Variants in GAB1 observed in about 807,000 individuals in gnomAD.
The protein encoded by GAB1 is GRB2 associated binding protein 1, also known as GRB2-associated-binding protein 1.
A neutral mutation model predicts 66.5 loss-of-function variants in GAB1; 19 were observed. The observed-to-expected ratio is 0.29, with a 90% confidence interval of 0.20 to 0.42. The LOEUF is 0.42. GAB1 is among the 10% of genes least tolerant of loss of function. The pLI is 1.00. For synonymous variants in GAB1, 294 were observed against 301.4 expected (o/e 0.98, Z 0.25); for missense variants, 732 against 858.5 (o/e 0.85, Z 1.84).
chr4:143,368,801 G>A (rs1383265460), intron 1 of GAB1, among the ~76,000 whole-genome samples: 1 of 152,036 alleles, frequency 6.6e-6, no homozygotes, highest in East Asian at 1.9e-4. Flanking sequence ...AAAGAAATAC[G>A]AACTCTTTTT....
chr4:143,372,715 A>G (rs1730186501), intron 1 of GAB1, among the ~76,000 whole-genome samples: 1 of 152,174 alleles, frequency 6.6e-6, no homozygotes, highest in East Asian at 1.9e-4. Context: ...TACTTTTTGA[A>G]GAGATATTGG....
intron 1 of GAB1, among the ~76,000 whole-genome samples, chr4:143,385,878 G>T (rs1035525659): frequency 6.6e-6 from 1 of 152,212 alleles, no homozygotes; most frequent in Non-Finnish European, 1.5e-5. Flanking sequence ...GGTAGCTCAT[G>T]CCTGTAACCC....
rs1268447512 is a variant in GAB1 at position 143,472,322 on chromosome 4, G to T, written c.*3133G>T. 6.6e-6 allele frequency: 1 copy of T among 152,006 alleles called. No individual in the cohort carries two copies. Among genetic ancestry groups the T allele is most frequent in the African/African-American group, 2.4e-5 (1 of 41,382 alleles). 9.4% of individuals were successfully genotyped at this position (152,006 alleles called of 1,614,324 possible). ...TTTAATCATAGACTAAATTTAATTT[G>T]ATATAGAAATACTACTTTACTTGTA... On this transcript the variant is annotated 3_prime_UTR_variant, in exon 10 of 10. Coordinates refer to ENST00000262994, the MANE Select transcript of GAB1 (RefSeq NM_002039.4).
chr4:143,427,589 C>T (rs1487540109), intron 2 of GAB1, among the ~76,000 whole-genome samples: 1 of 151,418 alleles, frequency 6.6e-6, no homozygotes, highest in Non-Finnish European at 1.5e-5. Flanking sequence ...TCCGGCATGT[C>T]AGGCTTCTGT....
intron 2 of GAB1, among the ~76,000 whole-genome samples, chr4:143,427,348 A>G (rs1386018849): frequency 6.6e-6 from 1 of 152,162 alleles, no homozygotes. Context: ...TCCTGGCAAA[A>G]GGGGCCATCA....
chr4:143,347,302 CCT>C (rs1414297927), intron 1 of GAB1, among the ~76,000 whole-genome samples: 2 of 152,188 alleles, frequency 1.3e-5, no homozygotes, highest in African/African-American at 4.8e-5. Flanking sequence ...CTAACCCACT[CCT>C]CTCTCATGTA....
chr4:143,441,425 A>T (rs1308972756), intron 6 of GAB1, among the ~76,000 whole-genome samples: 1 of 152,188 alleles, frequency 6.6e-6, no homozygotes, highest in Non-Finnish European at 1.5e-5. Flanking sequence ...TTTCTCCTTA[A>T]CCTGGGCTTA....
intron 1 of GAB1, among the ~76,000 whole-genome samples, chr4:143,408,802 C>T (rs1732203520): frequency 6.6e-6 from 1 of 152,150 alleles, no homozygotes; most frequent in Admixed American, 6.5e-5. Flanking sequence ...CAATAATGGT[C>T]TTTCCTTAAA....
chr4:143,381,070 C>T (rs1231110268), intron 1 of GAB1, among the ~76,000 whole-genome samples: 2 of 152,172 alleles, frequency 1.3e-5, no homozygotes, highest in Non-Finnish European at 2.9e-5. Context: ...GGGGATCAAC[C>T]TGTGACTGAG....
intron 8 of GAB1, among the ~76,000 whole-genome samples, chr4:143,461,110 G>A (rs901899451): frequency 2.0e-5 from 3 of 152,154 alleles, no homozygotes; most frequent in Non-Finnish European, 2.9e-5. Flanking sequence ...AAATCAGGTA[G>A]TTGCCAGAAA....
intron 1 of GAB1, among the ~76,000 whole-genome samples, chr4:143,356,711 A>G (rs1729461611): frequency 6.6e-6 from 1 of 152,196 alleles, no homozygotes; most frequent in Admixed American, 6.5e-5. Context: ...TGATGCAAAC[A>G]CCACGTTAGC....
rs1331346416 is a variant in GAB1 at position 143,471,916 on chromosome 4, T to C, written c.*2727T>C. ...TTGAATCAAACCCTTTTAACTCACC[T>C]CCAAGAAGCTAGACTTTGGCCAGGA... On this transcript the variant is annotated 3_prime_UTR_variant, in exon 10 of 10. Coordinates refer to ENST00000262994, the MANE Select transcript of GAB1 (RefSeq NM_002039.4). The C allele has an allele frequency of 6.6e-6, 1 of 152,166 alleles. No homozygotes were observed. Among genetic ancestry groups the C allele is most frequent in the Non-Finnish European group, 1.5e-5 (1 of 68,020 alleles). 9.4% of individuals were successfully genotyped at this position (152,166 alleles called of 1,614,324 possible). A position where few individuals can be genotyped will look rare whatever the true frequency, so the allele number is the denominator to read the frequency against.
chr4:143,403,743 C>G (rs1223370688), intron 1 of GAB1, among the ~76,000 whole-genome samples: 1 of 152,166 alleles, frequency 6.6e-6, no homozygotes, highest in African/African-American at 2.4e-5. Context: ...TGTACTTAGT[C>G]CTTCTCTTTA....
At chr4:143,438,673 T>C (rs926695961) in intron 4 of GAB1, 73 bp downstream of exon 4, 5 of 1,461,814 alleles carry the variant, frequency 3.4e-6, no homozygotes, top group Middle Eastern at 1.8e-4. Flanking sequence ...ATTTGTTCTT[T>C]TAAGCGTAGT....
intron 9 of GAB1, 125 bp downstream of exon 9, chr4:143,466,350 C>T (rs1735786200): frequency 1.2e-6 from 1 of 840,146 alleles, no homozygotes; most frequent in African/African-American, 1.8e-5. Flanking sequence ...TGGTCTGCTA[C>T]TTGATGCTAT....
Position 143,438,451 on chromosome 4 carries a change from A to G in GAB1, c.1046A>G (p.His349Arg), listed in dbSNP as rs1734052885. ...DIPPPRPPKP[H>R]PAHDRSPVET... is the part of the protein sequence containing the mutation. ...CCTCCACCTCGGCCACCGAAACCAC[A>G]TCCAGCTCATGACCGATCTCCTGTG... Residue 349 changes from histidine (H) to arginine (R), a missense_variant, in exon 4 of 10, where the codon CAT becomes CGT. By Grantham distance (29) the His-to-Arg change is conservative. This residue lies in a region of GAB1 where 427 missense variants were observed against 420.6 expected (regional missense o/e 1.02). Transcript: ENST00000262994. 1 of 1,613,996 alleles carries G rather than the reference A, an allele frequency of 6.2e-7. No individual in the cohort carries two copies. The highest frequency in any genetic ancestry group is 1.7e-5 in the Admixed American group (1 of 59,972).
intron 7 of GAB1, among the ~76,000 whole-genome samples, chr4:143,459,705 G>C (rs1158918077): frequency 6.6e-6 from 1 of 152,104 alleles, no homozygotes; most frequent in Non-Finnish European, 1.5e-5. Context: ...GAGGCTACAT[G>C]ATAAGTGATG....
chr4:143,357,150 G>A (rs1485768992), intron 1 of GAB1, among the ~76,000 whole-genome samples: 3 of 152,242 alleles, frequency 2.0e-5, no homozygotes, highest in East Asian at 1.9e-4. Flanking sequence ...CAAACTTAAT[G>A]TGTGAATACC....
intron 1 of GAB1, among the ~76,000 whole-genome samples, chr4:143,411,751 G>T (rs1051242381): frequency 1.3e-5 from 2 of 152,124 alleles, no homozygotes; most frequent in East Asian, 3.9e-4. Context: ...TTCTCTTGTC[G>T]AGCATCAAGC....
Sources: allele counts gnomAD v4.1 joint callset (sites outside exome capture counted in the v4.1 genomes callset), GRCh38; gene constraint gnomAD v4.1.1; regional missense constraint gnomAD v4.1.1; transcripts MANE v1.5; gene names NCBI Gene and HGNC (gene_info 2026-07-23, HGNC 2026-07-21).